NUP85: variants seen among roughly 807,000 people sequenced by gnomAD.
NUP85 encodes nuclear pore complex protein Nup85.
In NUP85, 23 loss-of-function variants were observed where a neutral mutation model predicts 92.8. The observed-to-expected ratio is 0.25, with a 90% CI of 0.18 to 0.35. NUP85 has a LOEUF of 0.35. Among genes scored for constraint, NUP85 ranks in the 10% least tolerant of loss-of-function variants. The pLI is 1.00. For synonymous variants in NUP85, 314 were observed against 306.9 expected (o/e 1.02, Z -0.24); for missense variants, 759 against 822.8 (o/e 0.92, Z 0.95).
At chr17:75,234,613 C>T in intron 16 of NUP85, 24 bp from the exon 17 acceptor site, 2 of 1,612,984 alleles carry the variant, frequency 1.2e-6, no homozygotes, top group Non-Finnish European at 1.7e-6. Context: ...ATGCAGGTTA[C>T]TCAGTGCTCT....
intron 7 of NUP85, among the ~76,000 whole-genome samples, chr17:75,218,613 A>G (rs545537860): frequency 1.3e-4 from 3 of 22,482 alleles, no homozygotes; most frequent in African/African-American, 2.7e-4. Context: ...TTTTTGAGAC[A>G]GGGTCTCGGC....
Position 75,225,163 on chromosome 17 carries a change from G to A in NUP85, c.658G>A (p.Ala220Thr). The A allele has an allele frequency of 6.2e-7, 1 of 1,604,868 alleles. No homozygotes were observed. The highest frequency in any genetic ancestry group is 2.2e-5 in the East Asian group (1 of 44,810). ...DEARQMLSKE[A>T]DASPASAGIC... Reference sequence around the variant, plus strand: ...GGCCCGACAGATGCTCTCCAAGGAAGCCGATGCCAGCCCCGCCTCTGCAGG... The same window carrying A: ...GGCCCGACAGATGCTCTCCAAGGAAACCGATGCCAGCCCCGCCTCTGCAGG... Residue 220 changes from alanine (A) to threonine (T), a missense_variant, in exon 8 of 19, where the codon GCC becomes ACC. Coordinates refer to ENST00000245544, the MANE Select transcript of NUP85 (RefSeq NM_024844.5).
intron 16 of NUP85, among the ~76,000 whole-genome samples, chr17:75,233,437 C>CTTTTTTTTTTTTTTTT (rs60396796): frequency 1.7e-5 from 2 of 117,184 alleles, no homozygotes; most frequent in African/African-American, 6.9e-5. Context: ...TTTATTTTTT[C>CTTTTTTTTTTTTTTTT]TTTTTTTTTT....
intron 5 of NUP85, 56 bp from the exon 6 acceptor site, chr17:75,215,698 T>C: frequency 2.0e-6 from 3 of 1,536,688 alleles, no homozygotes; most frequent in Non-Finnish European, 2.7e-6. Context: ...CCCTTGGCTC[T>C]GAGAGCAAAG....
chr17:75,208,464 A>G (rs2075157993), intron 1 of NUP85, 63 bp from the exon 2 acceptor site: 1 of 818,768 alleles, frequency 1.2e-6, no homozygotes, highest in East Asian at 2.5e-5. Flanking sequence ...AAAAAAAAAG[A>G]ATGGAACAAC....
At chr17:75,210,284 CATT>C (rs1409405719) in intron 3 of NUP85, among the ~76,000 whole-genome samples, 4 of 152,084 alleles carry the variant, frequency 2.6e-5, no homozygotes, top group Non-Finnish European at 5.9e-5. Flanking sequence ...AATGAGGTCA[CATT>C]GTTGGGAGAT....
chr17:75,207,646 A>G, intron 1 of NUP85, among the ~76,000 whole-genome samples: 1 of 150,634 alleles, frequency 6.6e-6, no homozygotes, highest in Non-Finnish European at 1.5e-5. Context: ...CACCCAGCTA[A>G]TTTTTGTATT....
At chr17:75,210,384 C>T (rs57722216) in intron 3 of NUP85, among the ~76,000 whole-genome samples, 19,553 of 152,154 alleles carry the variant, frequency 0.13, 1,490 homozygotes, top group Middle Eastern at 0.23. Flanking sequence ...AACTCTCGTA[C>T]TATTTATAGA....
intron 6 of NUP85, among the ~76,000 whole-genome samples, chr17:75,216,812 G>A (rs1292736594): frequency 6.6e-6 from 1 of 152,174 alleles, no homozygotes; most frequent in African/African-American, 2.4e-5. Context: ...GGAGGTTACA[G>A]TTGGCTCTTT....
rs1293512568 is a variant in NUP85 at position 75,235,096 on chromosome 17, C to T, written c.1768-4C>T. On this transcript the variant is annotated splice_region_variant and splice_polypyrimidine_tract_variant and intron_variant, in intron 17 of 18. Transcript: ENST00000245544. ...AGCCAAGCAAGGCAGGCTCTCTTCC[C>T]TAGGTGATTTTCTCAGCAGAACAGA... The T allele has an allele frequency of 1.2e-6, 2 of 1,612,526 alleles. No individual in the cohort carries two copies. The highest frequency in any genetic ancestry group is 3.3e-5 in the Admixed American group (2 of 59,904).
At chr17:75,225,012 A>T in intron 7 of NUP85, 91 bp from the exon 8 acceptor site, 1 of 1,386,982 alleles carries the variant, frequency 7.2e-7, no homozygotes, top group Non-Finnish European at 9.6e-7. Flanking sequence ...AGAGTTAAAA[A>T]GCCAAAGTGT....
Position 75,225,761 on chromosome 17 carries a change from T to A in NUP85, c.919T>A (p.Phe307Ile). ...QKELLSNWYH[F>I]LVTRLLYSNP... is the part of the protein sequence containing the mutation. ...GGAACTTCTGAGTAATTGGTATCAT[T>A]TCCTAGTGACTCGGCTCTTGTACTC... Residue 307 changes from phenylalanine (F) to isoleucine (I), a missense_variant, in exon 10 of 19, where the codon TTC becomes ATC. Physicochemically the swap from Phe to Ile is conservative, Grantham distance 21 (BLOSUM62 0). Coordinates refer to ENST00000245544, the MANE Select transcript of NUP85 (RefSeq NM_024844.5). 1 of 1,614,170 alleles carries A rather than the reference T, an allele frequency of 6.2e-7. No individual in the cohort carries two copies. Among genetic ancestry groups the A allele is most frequent in the South Asian group, 1.1e-5 (1 of 91,082 alleles).
chr17:75,229,702 T>G (rs2075967463), intron 11 of NUP85, among the ~76,000 whole-genome samples: 1 of 152,024 alleles, frequency 6.6e-6, no homozygotes, highest in African/African-American at 2.4e-5. Context: ...GTCACTTGAG[T>G]TGTGTTGTTA....
Position 75,225,093 on chromosome 17 carries a change from C to G in NUP85, c.598-10C>G. 1 of 1,534,072 alleles carries G rather than the reference C, an allele frequency of 6.5e-7. No individual in the cohort carries two copies. The highest frequency in any genetic ancestry group is 8.8e-7 in the Non-Finnish European group (1 of 1,138,444). ...CCTGCCAATGCTTATGGGCCCGGAT[C>G]TCCTCCCAGGTGACCATCTTGGTGC... On this transcript the variant is annotated splice_polypyrimidine_tract_variant and intron_variant, in intron 7 of 18. Coordinates refer to ENST00000245544, the MANE Select transcript of NUP85 (RefSeq NM_024844.5).
Position 75,231,034 on chromosome 17 carries a change from C to CA in NUP85, c.1095-304dup. 1 of 333,564 alleles carries CA rather than the reference C, an allele frequency of 3.0e-6. No homozygotes were observed. The allele number at this position is 333,564 out of a possible 1,614,324, so 20.7% of individuals were successfully genotyped here. A position where few individuals can be genotyped will look rare whatever the true frequency, so the allele number is the denominator to read the frequency against. On this transcript the variant is annotated intron_variant, in intron 11 of 18. Transcript: ENST00000245544. The surrounding 1 kb of genome is among the most constrained non-coding windows in gnomAD (Gnocchi z 4.6). ...GCAGCCTCTGCTTCCCAGGCTCAAGCAATACTCCCACCCCAGCTTCTCGAG... is the reference window on the plus strand; with the variant it reads ...GCAGCCTCTGCTTCCCAGGCTCAAGCAAATACTCCCACCCCAGCTTCTCGAG...
intron 16 of NUP85, among the ~76,000 whole-genome samples, chr17:75,233,361 G>GTTTT (rs1303660680): frequency 7.2e-6 from 1 of 139,676 alleles, no homozygotes; most frequent in Non-Finnish European, 1.5e-5. Flanking sequence ...TTGTTTGTTT[G>GTTTT]TTTGTTTTTC....
Position 75,205,786 on chromosome 17 carries a change from A to C in NUP85, c.25A>C (p.Thr9Pro). The change falls in exon 1 of 19, where the codon ACA becomes CCA. Residue 9 changes from threonine (T) to proline (P), a missense_variant. Thr to Pro is a conservative substitution (Grantham distance 38). Transcript: ENST00000245544. ...TATGGAGGAGCTCGATGGCGAGCCA[A>C]CAGTCACTGTAAGGGTACCCCGAAC... MEELDGEPTVTLIPGVNSK... is the reference protein window; with the variant it reads MEELDGEPPVTLIPGVNSK... 6.2e-7 allele frequency: 1 copy of C among 1,614,152 alleles called. No individual in the cohort carries two copies. Among genetic ancestry groups the C allele is most frequent in the Non-Finnish European group, 8.5e-7 (1 of 1,180,010 alleles).
chr17:75,220,269 C>T (rs1017465567), intron 7 of NUP85, among the ~76,000 whole-genome samples: 4 of 113,180 alleles, frequency 3.5e-5, no homozygotes, highest in Admixed American at 2.6e-4. Context: ...GGACTACAGG[C>T]GCGCGTCACC....
rs1555658514 is a variant in NUP85, at chr17:75,205,710, A to G, written c.-52A>G. 6.8e-6 allele frequency: 11 copies of G among 1,612,246 alleles called. No individual in the cohort carries two copies. In the South Asian group the frequency reaches 8.8e-5, roughly 13 times the overall value. On this transcript the variant is annotated 5_prime_UTR_variant, in exon 1 of 19. Coordinates refer to ENST00000245544, the MANE Select transcript of NUP85 (RefSeq NM_024844.5). ...CAGCCAGCTCTGAGCGGGAGGCCTG[A>G]GCGGGAAGCATTGGCGTCCGAGCGA...
Sources: allele counts gnomAD v4.1 joint callset (sites outside exome capture counted in the v4.1 genomes callset), GRCh38; gene constraint gnomAD v4.1.1; non-coding constraint Gnocchi (gnomAD v3.1); transcripts MANE v1.5; gene names NCBI Gene and HGNC (gene_info 2026-07-23, HGNC 2026-07-21).